Variants in BRCC3 observed in about 807,000 individuals in gnomAD.
The protein encoded by BRCC3 is lys-63-specific deubiquitinase BRCC36.
A neutral mutation model predicts 28.0 loss-of-function variants in BRCC3; 15 were observed. The ratio of observed to expected loss-of-function variants is 0.54; its 90% CI spans 0.36 to 0.82. The LOEUF (loss-of-function observed/expected upper bound fraction) is 0.82, where lower values mean the gene tolerates loss of function less well. BRCC3 is among the 40% of genes least tolerant of loss of function. The pLI, the probability that BRCC3 is intolerant of heterozygous loss-of-function variation, is 0.01. For missense variants in BRCC3, 109 were observed against 225.9 expected, an observed-to-expected ratio of 0.48 and a Z score of 3.32; for synonymous variants, 66 against 80.3, an observed-to-expected ratio of 0.82 and a Z score of 0.95.
At chrX:155,092,503 G>T (rs983474516) in intron 7 of BRCC3, among the ~76,000 whole-genome samples, 4 of 111,603 alleles carry the variant, frequency 3.6e-5, no homozygotes, top group African/African-American at 1.3e-4. Context: ...ATTATTCTCT[G>T]TACAACCAAG....
intron 7 of BRCC3, among the ~76,000 whole-genome samples, chrX:155,096,402 A>G (rs2074209971): frequency 8.9e-6 from 1 of 112,521 alleles, no homozygotes; most frequent in African/African-American, 3.2e-5. Flanking sequence ...AAAATGGTTA[A>G]TTTTATGTTA....
intron 2 of BRCC3, among the ~76,000 whole-genome samples, chrX:155,072,865 G>C (rs2073998666): frequency 9.0e-6 from 1 of 110,845 alleles, no homozygotes; most frequent in Non-Finnish European, 1.9e-5. Context: ...GCCTTGCTCA[G>C]TGTATTTCAT....
intron 7 of BRCC3, among the ~76,000 whole-genome samples, chrX:155,105,973 C>A (rs1557297487): frequency 8.9e-6 from 1 of 112,389 alleles, no homozygotes; most frequent in Non-Finnish European, 1.9e-5. Flanking sequence ...AGGCTTGAGC[C>A]ACCACGCCCA....
At chrX:155,116,606 A>G in intron 8 of BRCC3, 105 bp from the exon 9 acceptor site, 1 of 450,718 alleles carries the variant, frequency 2.2e-6, no homozygotes, top group Non-Finnish European at 3.8e-6. Flanking sequence ...GGGGATTTAA[A>G]TACTACATAT....
intron 7 of BRCC3, chrX:155,099,212 A>T: frequency 1.2e-5 from 9 of 776,437 alleles, no homozygotes; most frequent in Non-Finnish European, 1.5e-5. Flanking sequence ...GTGGTAAAAG[A>T]AGTCTGGAGA....
At chrX:155,079,754 C>CT (rs1345617685) in intron 5 of BRCC3, among the ~76,000 whole-genome samples, 23 of 111,241 alleles carry the variant, frequency 2.1e-4, no homozygotes, top group African/African-American at 7.5e-4. Flanking sequence ...ATTTGCCAAA[C>CT]TTTAACATTT....
At chrX:155,105,281 G>A (rs782633871) in intron 7 of BRCC3, among the ~76,000 whole-genome samples, 46 of 111,308 alleles carry the variant, frequency 4.1e-4, no homozygotes, top group South Asian at 7.6e-4. Flanking sequence ...TCAGGAGTTC[G>A]AGAACAGCCT....
intron 3 of BRCC3, 89 bp from the exon 4 acceptor site, chrX:155,077,081 A>ATAT (rs2074050261): frequency 1.2e-6 from 1 of 804,184 alleles, no homozygotes; most frequent in African/African-American, 2.1e-5. Flanking sequence ...ATTTTATCTG[A>ATAT]TATTATAATA....
At chrX:155,100,963 G>A (rs1263150472) in intron 7 of BRCC3, among the ~76,000 whole-genome samples, 2 of 110,013 alleles carry the variant, frequency 1.8e-5, no homozygotes, top group Non-Finnish European at 3.8e-5. Flanking sequence ...GTGTGATCAC[G>A]GCTCACAGCA....
intron 3 of BRCC3, among the ~76,000 whole-genome samples, chrX:155,075,362 C>T (rs1363347302): frequency 1.7e-5 from 1 of 57,249 alleles, no homozygotes; most frequent in Non-Finnish European, 2.7e-5. Context: ...GACCTCTGCT[C>T]CCTTTCTCCA....
intron 7 of BRCC3, among the ~76,000 whole-genome samples, chrX:155,109,085 A>C (rs1291222618): frequency 1.8e-5 from 2 of 111,184 alleles, no homozygotes; most frequent in Non-Finnish European, 3.8e-5. Flanking sequence ...GGCACCATTT[A>C]TTGCTGCCTT....
intron 5 of BRCC3, among the ~76,000 whole-genome samples, chrX:155,085,498 C>G (rs1557294677): frequency 8.9e-6 from 1 of 111,993 alleles, no homozygotes; most frequent in African/African-American, 3.3e-5. Context: ...CAATCCGTAA[C>G]CTGCTTTCTT....
intron 7 of BRCC3, among the ~76,000 whole-genome samples, chrX:155,115,641 G>A (rs1006805423): frequency 4.4e-5 from 5 of 112,506 alleles, no homozygotes; most frequent in African/African-American, 1.6e-4. Flanking sequence ...CCTACATAAT[G>A]AATGTGATGG....
intron 6 of BRCC3, among the ~76,000 whole-genome samples, chrX:155,089,872 G>A (rs1300308753): frequency 8.9e-6 from 1 of 111,836 alleles, no homozygotes; most frequent in African/African-American, 3.3e-5. Flanking sequence ...CTGAACAGTG[G>A]GCAGAGGGTG....
chrX:155,071,902 C>T (rs2073986143), intron 1 of BRCC3, among the ~76,000 whole-genome samples: 1 of 112,191 alleles, frequency 8.9e-6, no homozygotes, highest in Non-Finnish European at 1.9e-5. Flanking sequence ...TAGCCTGGGG[C>T]TTCTCTTTAG....
intron 7 of BRCC3, among the ~76,000 whole-genome samples, chrX:155,107,512 C>G (rs1156851289): frequency 9.1e-6 from 1 of 110,019 alleles, no homozygotes; most frequent in Non-Finnish European, 1.9e-5. Context: ...CTCACTCTGC[C>G]TACAGTTTCC....
In BRCC3 at chrX:155,107,826, A is replaced by T. The variant is rs1211174282; in HGVS notation, c.549-8231A>T. 2.7e-5 allele frequency among the ~76,000 whole-genome samples: 3 copies of T among 111,685 alleles called. No individual in the cohort carries two copies. In the Admixed American group the frequency reaches 2.9e-4, roughly 11 times the overall value. Reference sequence around the variant, plus strand: ...CTGTAGATTTCAAAACTACTATTTTAATGCATACATTCTGACCTGTGAGCT... The same window carrying T: ...CTGTAGATTTCAAAACTACTATTTTTATGCATACATTCTGACCTGTGAGCT... On this transcript the variant is annotated intron_variant, in intron 7 of 10. Coordinates refer to ENST00000330045, the MANE Select transcript of BRCC3 (RefSeq NM_001018055.3).
At chrX:155,106,298 G>C (rs1271805388) in intron 7 of BRCC3, among the ~76,000 whole-genome samples, 1 of 110,185 alleles carries the variant, frequency 9.1e-6, no homozygotes, top group Non-Finnish European at 1.9e-5. Flanking sequence ...TCTGTTTTTT[G>C]CTTGTATATT....
chrX:155,073,613 C>G (rs1359515146), intron 3 of BRCC3, among the ~76,000 whole-genome samples, 182 bp downstream of exon 3: 1 of 111,660 alleles, frequency 9.0e-6, no homozygotes, highest in Admixed American at 9.5e-5. Flanking sequence ...AGCAAATTGT[C>G]TCTACTTGAT....
Sources: allele counts gnomAD v4.1 joint callset (sites outside exome capture counted in the v4.1 genomes callset), GRCh38; gene constraint gnomAD v4.1.1; transcripts MANE v1.5; gene names NCBI Gene and HGNC (gene_info 2026-07-23, HGNC 2026-07-21).